Variants in RGL1 observed in about 807,000 individuals in gnomAD.
RGL1 encodes the protein ral guanine nucleotide dissociation stimulator like 1, also known as ral guanine nucleotide dissociation stimulator-like 1.
RGL1 carries 24 observed loss-of-function variants against 95.2 expected under a neutral mutation model. The observed-to-expected ratio is 0.25, with a 90% CI of 0.18 to 0.35. The LOEUF (loss-of-function observed/expected upper bound fraction) is 0.35. RGL1 is among the 10% of genes least tolerant of loss of function. The pLI is 1.00. For missense variants in RGL1, 715 were observed against 936.3 expected (o/e 0.76, Z 3.08); for synonymous variants, 329 against 344.9 (o/e 0.95, Z 0.51).
intron 3 of RGL1, among the ~76,000 whole-genome samples, chr1:183,864,599 G>T (rs137921411): frequency 6.6e-6 from 1 of 152,336 alleles, no homozygotes; most frequent in East Asian, 1.9e-4. Context: ...CTCATGTGGG[G>T]CTGAGTAAAT....
chr1:183,702,462 C>A (rs1394748168), intron 1 of RGL1, among the ~76,000 whole-genome samples: 1 of 152,158 alleles, frequency 6.6e-6, no homozygotes, highest in Non-Finnish European at 1.5e-5. Flanking sequence ...CCATTTTATA[C>A]CTAGTAGATC....
At position 183,827,170 on chromosome 1, in the gene RGL1, G is replaced by C. The variant is rs1381412880; in HGVS notation, c.139-20396G>C. 2.6e-5 allele frequency among the ~76,000 whole-genome samples: 4 copies of C among 152,318 alleles called. No individual in the cohort carries two copies. The East Asian group carries it at 7.7e-4, about 29-fold the overall frequency. On this transcript the variant is annotated intron_variant, in intron 2 of 17. Transcript: ENST00000360851. ...ACTACTGGCCTCAAGTGATCCACCT[G>C]CCTCCACCTCCCAAAGTGTTGGGAT...
At chr1:183,636,204 C>A (rs919897584) in exon 1 of RGL1, 5 of 399,330 alleles carry the variant, frequency 1.3e-5, no homozygotes, top group Non-Finnish European at 2.2e-5. Flanking sequence ...GTCCGGCTGG[C>A]TGGGACTTGG....
chr1:183,845,099 G>C (rs11585293), intron 2 of RGL1, among the ~76,000 whole-genome samples: 24,164 of 152,172 alleles, frequency 0.16, 2,291 homozygotes, highest in East Asian at 0.29. Flanking sequence ...CATCATTAGA[G>C]ATCCACTTCT....
chr1:183,890,323 T>A (rs922712165), intron 8 of RGL1, among the ~76,000 whole-genome samples: 2 of 152,100 alleles, frequency 1.3e-5, no homozygotes, highest in African/African-American at 2.4e-5. Context: ...GCAAAAAAAA[T>A]TAATGGACTT....
At chr1:183,877,301 T>A (rs1392702198) in intron 4 of RGL1, among the ~76,000 whole-genome samples, 1 of 152,214 alleles carries the variant, frequency 6.6e-6, no homozygotes, top group Admixed American at 6.5e-5. Flanking sequence ...TTCTGGTTAA[T>A]ATATAAGTTA....
intron 2 of RGL1, among the ~76,000 whole-genome samples, chr1:183,820,846 C>T (rs977557353): frequency 1.8e-4 from 27 of 152,136 alleles, no homozygotes; most frequent in Admixed American, 1.5e-3. Flanking sequence ...TATGGCTGGG[C>T]GCGGTGGCTC....
intron 1 of RGL1, among the ~76,000 whole-genome samples, chr1:183,716,661 A>G (rs977881105): frequency 4.6e-5 from 7 of 152,252 alleles, no homozygotes; most frequent in African/African-American, 1.4e-4. Context: ...TGGGCAGCCC[A>G]TATCCCAGCA....
At chr1:183,873,538 A>C (rs1666308353) in intron 4 of RGL1, among the ~76,000 whole-genome samples, 1 of 152,154 alleles carries the variant, frequency 6.6e-6, no homozygotes, top group African/African-American at 2.4e-5. Context: ...CCTGGGTGGG[A>C]AGCCCAGGCA....
At chr1:183,716,512 G>A (rs1655632944) in intron 1 of RGL1, among the ~76,000 whole-genome samples, 1 of 152,242 alleles carries the variant, frequency 6.6e-6, no homozygotes, top group African/African-American at 2.4e-5. Context: ...AAAAGAGCAT[G>A]GAGAAGTGCC....
chr1:183,648,309 T>C (rs779211891), intron 1 of RGL1: 4 of 1,614,158 alleles, frequency 2.5e-6, no homozygotes, highest in Non-Finnish European at 2.5e-6. Flanking sequence ...CTCAGTATGA[T>C]AGAGCTGAGA....
intron 2 of RGL1, among the ~76,000 whole-genome samples, chr1:183,840,061 G>T (rs1663936938): frequency 6.6e-6 from 1 of 152,120 alleles, no homozygotes; most frequent in Non-Finnish European, 1.5e-5. Context: ...ATGATCTAAT[G>T]GTAATAGACT....
intron 2 of RGL1, among the ~76,000 whole-genome samples, chr1:183,743,471 C>G (rs1657438224): frequency 6.6e-6 from 1 of 152,202 alleles, no homozygotes; most frequent in African/African-American, 2.4e-5. Flanking sequence ...TTCTGAGAGG[C>G]TTACCTGGGT....
intron 2 of RGL1, among the ~76,000 whole-genome samples, chr1:183,757,883 C>A (rs1337867416): frequency 6.6e-6 from 1 of 152,192 alleles, no homozygotes; most frequent in Non-Finnish European, 1.5e-5. Context: ...CCTCATGAAG[C>A]AAACTACCAA....
chr1:183,672,383 C>G (rs1184418427), intron 1 of RGL1, among the ~76,000 whole-genome samples: 2 of 152,194 alleles, frequency 1.3e-5, no homozygotes, highest in African/African-American at 4.8e-5. Flanking sequence ...AAATGTTTCT[C>G]TGTTCTCAAC....
At chr1:183,837,999 G>C (rs918543688) in intron 2 of RGL1, among the ~76,000 whole-genome samples, 2 of 152,160 alleles carry the variant, frequency 1.3e-5, no homozygotes, top group Non-Finnish European at 2.9e-5. Context: ...TGTGAGGCCC[G>C]GTTCCTAACA....
In RGL1 at chr1:183,805,260, C is replaced by A. The variant is rs772042163; in HGVS notation, c.-38C>A. On this transcript the variant is annotated 5_prime_UTR_variant, in exon 1 of 18. Transcript: ENST00000360851. ...ATTGCGTTGGCCTCCGAGCAGGGCG[C>A]ATCATGCAGCGTTCGCGCACCGGAG... The A allele has an allele frequency of 6.2e-7, 1 of 1,609,154 alleles. No homozygotes were observed. Among genetic ancestry groups the A allele is most frequent in the South Asian group, 1.1e-5 (1 of 89,988 alleles).
intron 10 of RGL1, 125 bp downstream of exon 10, chr1:183,898,022 T>G (rs1339871204): frequency 1.4e-6 from 1 of 709,700 alleles, no homozygotes; most frequent in African/African-American, 1.8e-5. Flanking sequence ...GGGTCTCCCA[T>G]TCTCTACCCC....
intron 1 of RGL1, among the ~76,000 whole-genome samples, chr1:183,663,964 C>G (rs1438484436): frequency 6.7e-6 from 1 of 149,306 alleles, no homozygotes; most frequent in Non-Finnish European, 1.5e-5. Flanking sequence ...ATTGCAAGAA[C>G]AAAAAACCAA....
Sources: allele counts gnomAD v4.1 joint callset (sites outside exome capture counted in the v4.1 genomes callset), GRCh38; gene constraint gnomAD v4.1.1; transcripts MANE v1.5; gene names NCBI Gene and HGNC (gene_info 2026-07-23, HGNC 2026-07-21).